WDR25: variants seen among roughly 807,000 people sequenced by gnomAD.
WDR25 encodes the protein WD repeat domain 25.
A neutral mutation model predicts 47.7 loss-of-function variants in WDR25; 35 were observed. The ratio of observed to expected loss-of-function variants is 0.73; its 90% CI spans 0.56 to 0.97. WDR25 has a LOEUF of 0.97. WDR25 is among the 50% of genes least tolerant of loss of function. WDR25 has a pLI of 0.00. For synonymous variants in WDR25, 248 were observed against 278.9 expected (o/e 0.89, Z 1.10); for missense variants, 634 against 704.7 (o/e 0.90, Z 1.14).
intron 2 of WDR25, among the ~76,000 whole-genome samples, chr14:100,443,870 C>T (rs567906353): frequency 1.6e-4 from 25 of 152,284 alleles, no homozygotes; most frequent in Non-Finnish European, 2.4e-4. Flanking sequence ...TAGTGCCGGG[C>T]GCTGGCTAGG....
intron 2 of WDR25, chr14:100,455,435 G>C (rs886715812): frequency 2.0e-5 from 3 of 151,936 alleles, no homozygotes; most frequent in Non-Finnish European, 2.9e-5. Flanking sequence ...TATTATACAA[G>C]TAATTGAGCT....
In WDR25 at chr14:100,396,138, G is replaced by A. The variant is rs902571813; in HGVS notation, c.822+14392G>A. ...ACTACAGGCGCCCACCACCACGCCC[G>A]GCTAATTTTTTGTATTTGTAGTAGA... On this transcript the variant is annotated intron_variant, in intron 2 of 6. Coordinates refer to ENST00000402312, the MANE Select transcript of WDR25 (RefSeq NM_001161476.3). Among the ~76,000 whole-genome samples the A allele has an allele frequency of 9.9e-5, 15 of 151,932 alleles. No individual in the cohort carries two copies. In the East Asian group the frequency reaches 1.4e-3, roughly 14 times the overall value.
chr14:100,445,031 G>C (rs1898788560), intron 2 of WDR25, among the ~76,000 whole-genome samples: 3 of 152,144 alleles, frequency 2.0e-5, no homozygotes, highest in Admixed American at 2.0e-4. Flanking sequence ...AGGATTCAGG[G>C]GTGTCTGACC....
At chr14:100,491,030 C>T (rs972045992) in intron 4 of WDR25, among the ~76,000 whole-genome samples, 2 of 152,230 alleles carry the variant, frequency 1.3e-5, no homozygotes, top group South Asian at 4.1e-4. Context: ...TTTCTTGGCT[C>T]CCATTTCCTC....
At chr14:100,445,904 C>T (rs1214019274) in intron 2 of WDR25, among the ~76,000 whole-genome samples, 1 of 152,188 alleles carries the variant, frequency 6.6e-6, no homozygotes, top group South Asian at 2.1e-4. Flanking sequence ...GTGATTCCAA[C>T]CCATGCTGCC....
In WDR25 at chr14:100,499,737, C is replaced by G. The variant is rs1173324784; in HGVS notation, c.1101+15613C>G. ...GATAGAGCAGACGGGCCACAAGAGG[C>G]CTCCTTCCTTCCAGAGCTCCTGTCC... On this transcript the variant is annotated intron_variant, in intron 4 of 6. Coordinates refer to ENST00000402312, the MANE Select transcript of WDR25 (RefSeq NM_001161476.3). The surrounding 1 kb of genome is among the most constrained non-coding windows in gnomAD (Gnocchi z 4.4). Among the ~76,000 whole-genome samples, 1 of 152,080 alleles carries G rather than the reference C, an allele frequency of 6.6e-6. No homozygotes were observed. The highest frequency in any genetic ancestry group is 1.9e-4 in the East Asian group (1 of 5,194).
chr14:100,511,737 T>G (rs1260159634), intron 4 of WDR25, among the ~76,000 whole-genome samples: 4 of 152,202 alleles, frequency 2.6e-5, no homozygotes, highest in African/African-American at 9.6e-5. Context: ...GTCAACTAGT[T>G]GTTTTGTACA....
At chr14:100,483,853 CA>C in intron 3 of WDR25, 140 bp from the exon 4 acceptor site, 1 of 1,034,310 alleles carries the variant, frequency 9.7e-7, no homozygotes, top group East Asian at 2.9e-5. Flanking sequence ...GTCATATTTC[CA>C]AAAAGTGTCC....
rs187929509 is a variant in WDR25, at chr14:100,463,169, C to T, written c.823-4852C>T. ...CCTCTCCCCAATTCCTCCATCACTC[C>T]TTCTCTCCCTTCCTTTTTTCTTCTG... On this transcript the variant is annotated intron_variant, in intron 2 of 6. Transcript: ENST00000402312. Among the ~76,000 whole-genome samples the T allele has an allele frequency of 2.6e-4, 38 of 147,674 alleles. 1 individual carries two copies. The East Asian group carries it at 7.3e-3, about 28-fold the overall frequency.
chr14:100,515,534 T>C (rs866240690), intron 4 of WDR25, among the ~76,000 whole-genome samples: 2 of 152,226 alleles, frequency 1.3e-5, no homozygotes, highest in Non-Finnish European at 1.5e-5. Flanking sequence ...AAAAGATATC[T>C]TTCATGTGTA....
chr14:100,421,090 G>T (rs993727378), intron 2 of WDR25, among the ~76,000 whole-genome samples: 1 of 152,186 alleles, frequency 6.6e-6, no homozygotes, highest in African/African-American at 2.4e-5. Context: ...AACTGCCTGT[G>T]TTTGTGACAT....
At chr14:100,479,791 G>A (rs949487836) in intron 3 of WDR25, among the ~76,000 whole-genome samples, 2 of 152,110 alleles carry the variant, frequency 1.3e-5, no homozygotes, top group Admixed American at 1.3e-4. Flanking sequence ...GTGAGCAGTG[G>A]GTGAGTGAAC....
chr14:100,448,851 G>A (rs1898927469), intron 2 of WDR25, among the ~76,000 whole-genome samples: 1 of 152,098 alleles, frequency 6.6e-6, no homozygotes, highest in African/African-American at 2.4e-5. Context: ...GGAGTCAGGA[G>A]GGCTTCCTGG....
At chr14:100,459,906 A>G (rs1298867587) in intron 2 of WDR25, among the ~76,000 whole-genome samples, 5,364 of 41,682 alleles carry the variant, frequency 0.13, 285 homozygotes, top group African/African-American at 0.29. Flanking sequence ...ATATATATAT[A>G]TATATATATA....
intron 2 of WDR25, among the ~76,000 whole-genome samples, chr14:100,432,983 A>G (rs573174310): frequency 6.6e-6 from 1 of 152,348 alleles, no homozygotes; most frequent in East Asian, 1.9e-4. Flanking sequence ...GCATTTGTGT[A>G]TCTACACATA....
intron 4 of WDR25, among the ~76,000 whole-genome samples, chr14:100,505,782 T>C (rs971087163): frequency 2.0e-5 from 3 of 152,210 alleles, no homozygotes; most frequent in Non-Finnish European, 4.4e-5. Context: ...ATGTTACACA[T>C]GTTGTATTAA....
chr14:100,480,108 A>G lies in WDR25; in HGVS notation c.971-3886A>G, dbSNP rs138580352. Among the ~76,000 whole-genome samples, 221 of 152,354 alleles carry G rather than the reference A, an allele frequency of 1.5e-3. 1 individual carries two copies. Among genetic ancestry groups the G allele is most frequent in the Non-Finnish European group, 2.3e-3 (157 of 68,040 alleles). On this transcript the variant is annotated intron_variant, in intron 3 of 6. Coordinates refer to ENST00000402312, the MANE Select transcript of WDR25 (RefSeq NM_001161476.3). ...GAAGAATAGGAATCAAGCATTGTCC[A>G]TCTTGCCAAAGACTGCTGTTTGTGA...
At chr14:100,411,853 C>T (rs1159267327) in intron 2 of WDR25, among the ~76,000 whole-genome samples, 1 of 152,146 alleles carries the variant, frequency 6.6e-6, no homozygotes, top group African/African-American at 2.4e-5. Flanking sequence ...TGCTTTTTAT[C>T]ACGGCAACTA....
intron 2 of WDR25, among the ~76,000 whole-genome samples, chr14:100,427,858 CT>C: frequency 6.6e-6 from 1 of 152,320 alleles, no homozygotes; most frequent in Non-Finnish European, 1.5e-5. Flanking sequence ...CCTCCTGGCT[CT>C]CAGTGGCTCT....
Sources: gnomAD v4.1 joint callset for allele counts (sites outside exome capture counted in the v4.1 genomes callset) on GRCh38, gnomAD v4.1.1 for gene constraint, Gnocchi (gnomAD v3.1) non-coding constraint, MANE v1.5 for transcripts, NCBI Gene and HGNC (gene_info 2026-07-23, HGNC 2026-07-21) for gene names.